The following BABAM2 variants were observed in gnomAD, a reference collection of about 807,000 sequenced individuals.
BABAM2 encodes BRISC and BRCA1 A complex member 2.
A neutral mutation model predicts 54.7 loss-of-function variants in BABAM2; 31 were observed. The observed-to-expected ratio is 0.57, with a 90% confidence interval of 0.43 to 0.77. BABAM2 has a LOEUF of 0.77. Ranked by LOEUF, BABAM2 falls within the 30% of genes least tolerant of loss-of-function variation. The pLI is 0.00. For missense variants in BABAM2, 364 were observed against 455.8 expected, an observed-to-expected ratio of 0.80 and a Z score of 1.83; for synonymous variants, 167 against 162.9, an observed-to-expected ratio of 1.03 and a Z score of -0.19.
chr2:28,335,151 C>CTTTTT, intron 11 of BABAM2, among the ~76,000 whole-genome samples: 1 of 115,710 alleles, frequency 8.6e-6, no homozygotes, highest in African/African-American at 3.6e-5. Context: ...TCTCTCCCAC[C>CTTTTT]TTCTTTTTTT....
rs567922372 is a variant in BABAM2 at position 27,995,788 on chromosome 2, G to C, written c.300+7701G>C. Among the ~76,000 whole-genome samples the C allele has an allele frequency of 1.2e-4, 18 of 152,194 alleles. 1 individual carries two copies. The South Asian group carries it at 3.7e-3, about 32-fold the overall frequency. On this transcript the variant is annotated intron_variant, in intron 4 of 11. Transcript: ENST00000379624. This position sits in a 1 kb window ranked among gnomAD's most constrained non-coding sequence, Gnocchi z 4.1. ...GTAGAGATGGGGTTTCACCATGTTA[G>C]CCAGGATGGTCTCCATCTCCTGACC...
intron 7 of BABAM2, among the ~76,000 whole-genome samples, chr2:28,193,524 A>G (rs546521165): frequency 6.6e-5 from 10 of 152,204 alleles, no homozygotes; most frequent in Non-Finnish European, 1.2e-4. Context: ...CTCAGAATTG[A>G]TACAAGAGCA....
chr2:28,230,494 C>T (rs1681275492), intron 7 of BABAM2, among the ~76,000 whole-genome samples: 1 of 151,312 alleles, frequency 6.6e-6, no homozygotes, highest in Admixed American at 6.6e-5. Flanking sequence ...GGCAGCAGAT[C>T]ACTTGAGCCT....
At chr2:27,955,311 G>A (rs1294248252) in intron 3 of BABAM2, among the ~76,000 whole-genome samples, 1 of 152,168 alleles carries the variant, frequency 6.6e-6, no homozygotes, top group Non-Finnish European at 1.5e-5. Context: ...GTTTGCAGAA[G>A]GCAGCTGGCA....
chr2:28,240,883 A>AAC, intron 8 of BABAM2, among the ~76,000 whole-genome samples: 1 of 151,698 alleles, frequency 6.6e-6, no homozygotes, highest in African/African-American at 2.4e-5. Context: ...AAAAAAAAAA[A>AAC]AACAAAAAAA....
At chr2:28,240,616 TC>T (rs1265144870) in intron 8 of BABAM2, among the ~76,000 whole-genome samples, 2 of 152,108 alleles carry the variant, frequency 1.3e-5, no homozygotes, top group Non-Finnish European at 1.5e-5. Context: ...ACACCTGTAA[TC>T]CTAGGACTTT....
intron 11 of BABAM2, among the ~76,000 whole-genome samples, chr2:28,338,123 C>G (rs1691627184): frequency 6.6e-6 from 1 of 152,258 alleles, no homozygotes; most frequent in Non-Finnish European, 1.5e-5. Context: ...TGCACACACA[C>G]TGTCTTGTAG....
chr2:28,303,035 A>G (rs997289889), intron 11 of BABAM2, among the ~76,000 whole-genome samples: 1 of 151,502 alleles, frequency 6.6e-6, no homozygotes, highest in Non-Finnish European at 1.5e-5. Flanking sequence ...TCCTTTTTTT[A>G]ATAGAGACAA....
intron 10 of BABAM2, among the ~76,000 whole-genome samples, chr2:28,258,622 T>TTTTTTTCTTTTTTTTTTTTTTTTTC (rs372690891): frequency 7.3e-6 from 1 of 136,216 alleles, no homozygotes; most frequent in Non-Finnish European, 1.6e-5. Context: ...TTTCTTTTTT[T>TTTTTTTCTTTTTTTTTTTTTTTTTC]TTTTTTTTTG....
At chr2:28,177,830 A>G (rs998498195) in intron 7 of BABAM2, among the ~76,000 whole-genome samples, 1 of 152,092 alleles carries the variant, frequency 6.6e-6, no homozygotes, top group Non-Finnish European at 1.5e-5. Context: ...CCAATAGCAA[A>G]CAAGCAGAAG....
rs573979496 is a variant in BABAM2 at position 27,921,316 on chromosome 2, A to T, written c.129-8516A>T. On this transcript the variant is annotated intron_variant, in intron 2 of 11. Coordinates refer to ENST00000379624, the MANE Select transcript of BABAM2 (RefSeq NM_199191.3). ...CATGTAATAGAACTTCTTTTTGGCA[A>T]TATTTTGTCATCTTTTACTTCTCAT... Among the ~76,000 whole-genome samples, 4 of 152,200 alleles carry T rather than the reference A, an allele frequency of 2.6e-5. No homozygotes were observed. In the South Asian group the frequency reaches 8.3e-4, roughly 32 times the overall value.
chr2:28,153,187 C>T (rs1280575127), intron 7 of BABAM2, among the ~76,000 whole-genome samples: 1 of 152,142 alleles, frequency 6.6e-6, no homozygotes, highest in Non-Finnish European at 1.5e-5. Flanking sequence ...GATCCTGTTC[C>T]TTGGATGTTC....
intron 7 of BABAM2, among the ~76,000 whole-genome samples, chr2:28,172,492 G>A (rs554622013): frequency 1.3e-5 from 2 of 152,312 alleles, no homozygotes; most frequent in East Asian, 1.9e-4. Flanking sequence ...ACTACACAGT[G>A]ACTGGGTCAG....
chr2:28,334,159 G>T (rs1691206881), intron 11 of BABAM2, among the ~76,000 whole-genome samples: 1 of 152,200 alleles, frequency 6.6e-6, no homozygotes, highest in Non-Finnish European at 1.5e-5. Flanking sequence ...GAAAGCCCAG[G>T]ACAGAACAGG....
chr2:28,337,161 G>C (rs1328791530), intron 11 of BABAM2, among the ~76,000 whole-genome samples: 1 of 152,138 alleles, frequency 6.6e-6, no homozygotes, highest in Non-Finnish European at 1.5e-5. Context: ...TGATTGTGTG[G>C]GTGTCGGTGG....
upstream of BABAM2, chr2:27,890,043 C>A: frequency 1.9e-6 from 1 of 525,728 alleles, no homozygotes; most frequent in Admixed American, 3.4e-5. This position sits in a 1 kb window ranked among gnomAD's most constrained non-coding sequence, Gnocchi z 4.8. Flanking sequence ...TAAACCCTGG[C>A]CTATTACGTC....
At chr2:27,948,699 A>T (rs1271079640) in intron 3 of BABAM2, among the ~76,000 whole-genome samples, 1 of 152,076 alleles carries the variant, frequency 6.6e-6, no homozygotes, top group Non-Finnish European at 1.5e-5. Flanking sequence ...TGAACCCGGG[A>T]GGTGGAGGTT....
At chr2:28,033,559 G>A (rs982271789) in intron 5 of BABAM2, among the ~76,000 whole-genome samples, 1 of 152,038 alleles carries the variant, frequency 6.6e-6, no homozygotes, top group African/African-American at 2.4e-5. Context: ...AAAGCCGCCA[G>A]TTCCCCTCTT....
At chr2:27,951,696 A>G (rs1669730515) in intron 3 of BABAM2, among the ~76,000 whole-genome samples, 1 of 152,038 alleles carries the variant, frequency 6.6e-6, no homozygotes, top group African/African-American at 2.4e-5. Context: ...TTTAGTTTTC[A>G]ATTTTTTCAA....
Sources: allele counts gnomAD v4.1 joint callset (sites outside exome capture counted in the v4.1 genomes callset), GRCh38; gene constraint gnomAD v4.1.1; non-coding constraint Gnocchi (gnomAD v3.1); transcripts MANE v1.5; gene names NCBI Gene and HGNC (gene_info 2026-07-23, HGNC 2026-07-21).